Variants in ETFBKMT observed in about 807,000 individuals in gnomAD.
ETFBKMT encodes electron transfer flavoprotein beta subunit lysine methyltransferase.
Under a neutral mutation model 18.3 loss-of-function variants are expected in ETFBKMT, and 13 were observed. The observed-to-expected ratio is 0.71, with a 90% CI of 0.46 to 1.13. The LOEUF (loss-of-function observed/expected upper bound fraction) is 1.13, where lower values mean the gene tolerates loss of function less well. Ranked by LOEUF, ETFBKMT falls within the 50% of genes most tolerant of loss-of-function variation. The pLI, the probability that ETFBKMT is intolerant of heterozygous loss-of-function variation, is 0.00. For synonymous variants in ETFBKMT, 84 were observed against 107.9 expected (o/e 0.78, Z 1.37); for missense variants, 293 against 306.2 (o/e 0.96, Z 0.32).
upstream of ETFBKMT, among the ~76,000 whole-genome samples, chr12:31,657,119 A>G (rs537731588): frequency 2.0e-5 from 3 of 152,258 alleles, no homozygotes; most frequent in Non-Finnish European, 4.4e-5. Flanking sequence ...TAACTTGTTG[A>G]AAAACCAAAA....
In ETFBKMT at chr12:31,662,286, C is replaced by T. The variant is rs1951134577; in HGVS notation, c.314+19C>T. ...TGTCTAGGTACTACCCTAATGAAAC[C>T]TTTAAGGCGCTACAGATCTTTGCTG... On this transcript the variant is annotated intron_variant, in intron 2 of 3. Coordinates refer to ENST00000357721, the MANE Select transcript of ETFBKMT (RefSeq NM_001135863.2). 6.2e-7 allele frequency: 1 copy of T among 1,607,494 alleles called. No homozygotes were observed. The highest frequency in any genetic ancestry group is 1.3e-5 in the African/African-American group (1 of 74,832).
At chr12:31,658,690 C>G (rs1951082729), upstream of ETFBKMT, among the ~76,000 whole-genome samples, 1 of 152,176 alleles carries the variant, frequency 6.6e-6, no homozygotes, top group South Asian at 2.1e-4. Context: ...CCCTCTAGCA[C>G]GCCAGAGCAG....
At position 31,667,896 on chromosome 12, in the gene ETFBKMT, A is replaced by T. The variant is rs1592139319; in HGVS notation, c.695A>T (p.His232Leu). The change falls in exon 4 of 4, where the codon CAC becomes CTC. Residue 232 changes from histidine (H) to leucine (L), a missense_variant. Physicochemically the swap from His to Leu is moderately conservative, Grantham distance 99. Coordinates refer to ENST00000357721, the MANE Select transcript of ETFBKMT (RefSeq NM_001135863.2). ...PQFSGHSIQH[H>L]LHKVVEYSLL... ...TTCAGTGGACACAGCATTCAGCATC[A>T]CCTGCACAAAGTGGTAGAATATTCA... 1 of 1,614,206 alleles carries T rather than the reference A, an allele frequency of 6.2e-7. No homozygotes were observed. The highest frequency in any genetic ancestry group is 8.5e-7 in the Non-Finnish European group (1 of 1,180,028).
Position 31,667,984 on chromosome 12 carries a change from G to C in ETFBKMT, c.783G>C (p.Gln261His). ...CAACAAGCACAGTGTGGGGTTTTCA[G>C]CCTTGAGTTGTCAAAGTGCTTCCAA... ...GLTTSTVWGF[Q>H]P Residue 261 changes from glutamine (Q) to histidine (H), a missense_variant, in exon 4 of 4, where the codon CAG becomes CAC. Coordinates refer to ENST00000357721, the MANE Select transcript of ETFBKMT (RefSeq NM_001135863.2). 1 of 1,609,508 alleles carries C rather than the reference G, an allele frequency of 6.2e-7. No homozygotes were observed. The highest frequency in any genetic ancestry group is 8.5e-7 in the Non-Finnish European group (1 of 1,176,928).
At chr12:31,656,019 T>C (rs1951059269), upstream of ETFBKMT, among the ~76,000 whole-genome samples, 1 of 152,222 alleles carries the variant, frequency 6.6e-6, no homozygotes, top group South Asian at 2.1e-4. Context: ...GAGATACTGA[T>C]ATGTAATGTT....
chr12:31,660,780 A>T (rs1355155580), intron 1 of ETFBKMT: 4 of 152,240 alleles, frequency 2.6e-5, no homozygotes, highest in Admixed American at 2.0e-4. Flanking sequence ...TTGTATTAAT[A>T]TATCTCTGCC....
At chr12:31,648,117 T>G (rs1460946272) in intron 1 of ETFBKMT, among the ~76,000 whole-genome samples, 1 of 152,204 alleles carries the variant, frequency 6.6e-6, no homozygotes, top group African/African-American at 2.4e-5. Context: ...GAAACCACCT[T>G]AATGTTTATC....
At chr12:31,657,856 A>G (rs528741981), upstream of ETFBKMT, among the ~76,000 whole-genome samples, 137 of 152,100 alleles carry the variant, frequency 9.0e-4, no homozygotes, top group African/African-American at 3.2e-3. Context: ...GACAAGTTAT[A>G]GGAACCCAGG....
chr12:31,659,768 C>T lies in ETFBKMT; in HGVS notation c.-135C>T, dbSNP rs749798826. 1 of 152,228 alleles carries T rather than the reference C, an allele frequency of 6.6e-6. No individual in the cohort carries two copies. The highest frequency in any genetic ancestry group is 1.5e-5 in the Non-Finnish European group (1 of 68,070). The allele number at this position is 152,228 out of a possible 1,614,324, so 9.4% of individuals were successfully genotyped here. On this transcript the variant is annotated 5_prime_UTR_variant, in exon 1 of 4. Coordinates refer to ENST00000357721, the MANE Select transcript of ETFBKMT (RefSeq NM_001135863.2). Reference sequence around the variant, plus strand: ...GGGGTAACTAACACCCACTGGAAGTCTACGCTGAGTTCACAGGCTATGTAT... The same window carrying T: ...GGGGTAACTAACACCCACTGGAAGTTTACGCTGAGTTCACAGGCTATGTAT...
At chr12:31,659,366 A>G (rs894946968), upstream of ETFBKMT, 3 of 152,286 alleles carry the variant, frequency 2.0e-5, no homozygotes, top group Admixed American at 1.3e-4. Context: ...AAGCTAGGTA[A>G]GGAGACAGGG....
chr12:31,661,845 A>G lies in ETFBKMT; in HGVS notation c.-109A>G, dbSNP rs935463712. 2 of 940,966 alleles carry G rather than the reference A, an allele frequency of 2.1e-6. No homozygotes were observed. The highest frequency in any genetic ancestry group is 2.3e-5 in the Admixed American group (1 of 43,500). The allele number at this position is 940,966 out of a possible 1,614,324, so 58.3% of individuals were successfully genotyped here. On this transcript the variant is annotated 5_prime_UTR_variant, in exon 2 of 4. Transcript: ENST00000357721. ...TACTTTTCTTTTTTTTTTCAGAGTC[A>G]GAGGTTCCGGTTGAGATCAAGTTGG... is the stretch of plus-strand genomic sequence containing the variant.
At chr12:31,657,481 T>C (rs558842948), upstream of ETFBKMT, among the ~76,000 whole-genome samples, 1 of 152,002 alleles carries the variant, frequency 6.6e-6, no homozygotes, top group South Asian at 2.1e-4. Flanking sequence ...CAGAAAAAAA[T>C]CATTTAAGCT....
chr12:31,672,350 A>G lies in ETFBKMT; in HGVS notation c.*4360A>G. ...TTGCTTTAGTTTGTTTGGGCCTACT[A>G]ATTGCTCCAACACTTCTCGGGAATG... On this transcript the variant is annotated 3_prime_UTR_variant, in exon 4 of 4. Transcript: ENST00000357721. 6.3e-7 allele frequency: 1 copy of G among 1,577,958 alleles called. No individual in the cohort carries two copies. The highest frequency in any genetic ancestry group is 8.6e-7 in the Non-Finnish European group (1 of 1,159,800).
intron 1 of ETFBKMT, among the ~76,000 whole-genome samples, chr12:31,652,396 T>C (rs1326858280): frequency 2.0e-5 from 3 of 152,316 alleles, no homozygotes; most frequent in South Asian, 4.1e-4. Flanking sequence ...CTCCTAGTGA[T>C]TCCCCCGCAA....
At position 31,664,614 on chromosome 12, in the gene ETFBKMT, T is replaced by C. The variant is rs117696998; in HGVS notation, c.315-1473T>C. Reference sequence around the variant, plus strand: ...ACAGTATTTATACATTTCTTTTTCTTTCTTTTTTTTTTTTTTTTTGAGATG... The same window carrying C: ...ACAGTATTTATACATTTCTTTTTCTCTCTTTTTTTTTTTTTTTTTGAGATG... On this transcript the variant is annotated intron_variant, in intron 2 of 3. Transcript: ENST00000357721. Among the ~76,000 whole-genome samples, 132 of 145,348 alleles carry C rather than the reference T, an allele frequency of 9.1e-4. 1 individual carries two copies. In the East Asian group the frequency reaches 0.026, roughly 29 times the overall value.
At chr12:31,652,192 G>C (rs77941212) in intron 1 of ETFBKMT, among the ~76,000 whole-genome samples, 1,687 of 152,256 alleles carry the variant, frequency 0.011, 22 homozygotes, top group African/African-American at 0.038. Context: ...CGCATCCACT[G>C]CCGGCTGGTC....
At chr12:31,658,410 T>G (rs1951079980), upstream of ETFBKMT, among the ~76,000 whole-genome samples, 1 of 152,174 alleles carries the variant, frequency 6.6e-6, no homozygotes, top group Non-Finnish European at 1.5e-5. Flanking sequence ...TCAACAAGAA[T>G]GTAGCAAATA....
chr12:31,672,578 T>A lies in ETFBKMT; in HGVS notation c.*4588T>A. 2.1e-6 allele frequency: 1 copy of A among 466,788 alleles called. No individual in the cohort carries two copies. Among genetic ancestry groups the A allele is most frequent in the East Asian group, 3.4e-5 (1 of 29,554 alleles). The allele number at this position is 466,788 out of a possible 1,614,324, so 28.9% of individuals were successfully genotyped here. A position where few individuals can be genotyped will look rare whatever the true frequency, so the allele number is the denominator to read the frequency against. ...ACTATTATTAGGTGTAGTGCACCTATCATGGTATTACTTGTTTAAAAAAAA... is the reference window on the plus strand; with the variant it reads ...ACTATTATTAGGTGTAGTGCACCTAACATGGTATTACTTGTTTAAAAAAAA... On this transcript the variant is annotated 3_prime_UTR_variant, in exon 4 of 4. Coordinates refer to ENST00000357721, the MANE Select transcript of ETFBKMT (RefSeq NM_001135863.2).
In ETFBKMT at chr12:31,672,907, T is replaced by A. The variant is rs1951312301; in HGVS notation, c.*4917T>A. On this transcript the variant is annotated 3_prime_UTR_variant, in exon 4 of 4. Transcript: ENST00000357721. ...GACAAGTTGACCTGTAGCTGAACAT[T>A]TTTCCATGTCTGTATAATACTACTA... 1 of 153,974 alleles carries A rather than the reference T, an allele frequency of 6.5e-6. No individual in the cohort carries two copies. The highest frequency in any genetic ancestry group is 1.9e-4 in the East Asian group (1 of 5,250). The allele number at this position is 153,974 out of a possible 1,614,324, so 9.5% of individuals were successfully genotyped here.
Sources: allele counts gnomAD v4.1 joint callset (sites outside exome capture counted in the v4.1 genomes callset), GRCh38; gene constraint gnomAD v4.1.1; transcripts MANE v1.5; gene names NCBI Gene and HGNC (gene_info 2026-07-23, HGNC 2026-07-21).